The following IQCM variants were observed in gnomAD, a reference collection of about 807,000 sequenced individuals.
IQCM encodes IQ motif containing M.
In IQCM, 45 loss-of-function variants were observed where a neutral mutation model predicts 57.6. That is an observed-to-expected ratio of 0.78 (90% CI 0.62 to 1.00). The LOEUF (loss-of-function observed/expected upper bound fraction) is 1.00, where lower values mean the gene tolerates loss of function less well. Among genes scored for constraint, IQCM ranks in the 50% least tolerant of loss-of-function variants. The probability of loss-of-function intolerance (pLI) is 0.00; values close to 1 mark genes in which losing one functional copy is unlikely to be tolerated. For missense variants in IQCM, 468 were observed against 511.6 expected, an observed-to-expected ratio of 0.91 and a Z score of 0.82; for synonymous variants, 148 against 158.9, an observed-to-expected ratio of 0.93 and a Z score of 0.51.
chr4:149,556,362 T>C (rs1446890348), intron 10 of IQCM, among the ~76,000 whole-genome samples: 1 of 152,056 alleles, frequency 6.6e-6, no homozygotes, highest in Non-Finnish European at 1.5e-5. Context: ...ACATGACCCT[T>C]AGTAGGACTT....
intron 13 of IQCM, among the ~76,000 whole-genome samples, chr4:149,384,945 TCTTTA>T (rs1731316979): frequency 6.6e-6 from 1 of 152,096 alleles, no homozygotes; most frequent in Non-Finnish European, 1.5e-5. Context: ...TGATTTAGCT[TCTTTA>T]CTTTAAAAAA....
At chr4:149,811,113 A>G (rs1313071707) in intron 2 of IQCM, among the ~76,000 whole-genome samples, 1 of 152,204 alleles carries the variant, frequency 6.6e-6, no homozygotes, top group Non-Finnish European at 1.5e-5. Flanking sequence ...AGTCTTTACA[A>G]TTTAGAGCAA....
At chr4:149,553,564 G>C (rs2726746) in intron 10 of IQCM, among the ~76,000 whole-genome samples, 35,563 of 151,990 alleles carry the variant, frequency 0.23, 4,735 homozygotes, top group Non-Finnish European at 0.29. Flanking sequence ...ATACTTGTGT[G>C]CAGATTTCCA....
intron 12 of IQCM, among the ~76,000 whole-genome samples, chr4:149,523,159 C>T (rs924938414): frequency 1.3e-5 from 2 of 152,028 alleles, no homozygotes; most frequent in Non-Finnish European, 2.9e-5. Flanking sequence ...AGGAAGCAAG[C>T]GCTCTCCTGT....
At chr4:149,468,622 A>G (rs980847925) in intron 12 of IQCM, among the ~76,000 whole-genome samples, 23 of 152,148 alleles carry the variant, frequency 1.5e-4, no homozygotes, top group African/African-American at 4.8e-5. Context: ...CTTTGAAGAG[A>G]GTAGTGGTTC....
chr4:149,679,929 C>T (rs997456275), intron 7 of IQCM, among the ~76,000 whole-genome samples: 2 of 151,232 alleles, frequency 1.3e-5, no homozygotes, highest in East Asian at 1.9e-4. Context: ...TTATTTTTCA[C>T]GAAAGACACA....
At chr4:149,591,356 G>C (rs907640697) in intron 8 of IQCM, among the ~76,000 whole-genome samples, 2 of 151,556 alleles carry the variant, frequency 1.3e-5, no homozygotes, top group Non-Finnish European at 2.9e-5. Flanking sequence ...CTTAATTATA[G>C]ATACATTTCA....
At chr4:149,633,463 A>T (rs1757465919) in intron 7 of IQCM, among the ~76,000 whole-genome samples, 1 of 152,154 alleles carries the variant, frequency 6.6e-6, no homozygotes, top group Admixed American at 6.5e-5. Flanking sequence ...AAGCTCAGAT[A>T]GCCACATGGA....
intron 12 of IQCM, among the ~76,000 whole-genome samples, chr4:149,506,986 G>A (rs1350972818): frequency 6.6e-6 from 1 of 152,198 alleles, no homozygotes; most frequent in Non-Finnish European, 1.5e-5. Context: ...TGTAGTGGAA[G>A]GGACCTGGGG....
At chr4:149,556,585 T>C (rs1474488328) in intron 10 of IQCM, among the ~76,000 whole-genome samples, 1 of 147,378 alleles carries the variant, frequency 6.8e-6, no homozygotes, top group African/African-American at 2.4e-5. Flanking sequence ...ATCAAAAAAA[T>C]CTTTATTCAA....
intron 12 of IQCM, among the ~76,000 whole-genome samples, chr4:149,533,816 G>C (rs1446419241): frequency 6.6e-6 from 1 of 152,068 alleles, no homozygotes; most frequent in Non-Finnish European, 1.5e-5. Flanking sequence ...GGGAATTACA[G>C]TTGAAGATGA....
chr4:149,398,716 A>T (rs935519474), intron 13 of IQCM, among the ~76,000 whole-genome samples: 2 of 151,296 alleles, frequency 1.3e-5, no homozygotes, highest in Non-Finnish European at 1.5e-5. Context: ...CTTTATTATT[A>T]TTTTTTTTGA....
At chr4:149,779,540 A>C (rs1771407899) in intron 2 of IQCM, among the ~76,000 whole-genome samples, 1 of 152,176 alleles carries the variant, frequency 6.6e-6, no homozygotes, top group African/African-American at 2.4e-5. Flanking sequence ...GAACAAATGG[A>C]TATCTGTAGA....
chr4:149,410,987 A>C (rs999835017), intron 13 of IQCM, among the ~76,000 whole-genome samples: 1 of 152,150 alleles, frequency 6.6e-6, no homozygotes, highest in Admixed American at 6.6e-5. Context: ...AGAAAAAGAA[A>C]TAAAATTAAT....
chr4:149,814,458 A>C (rs1234166577), intron 2 of IQCM, among the ~76,000 whole-genome samples: 1 of 151,998 alleles, frequency 6.6e-6, no homozygotes, highest in Non-Finnish European at 1.5e-5. Flanking sequence ...AGTCTTTATC[A>C]AGCTAATTAT....
chr4:149,469,019 G>A (rs1739195072), intron 12 of IQCM, among the ~76,000 whole-genome samples: 1 of 152,106 alleles, frequency 6.6e-6, no homozygotes, highest in Non-Finnish European at 1.5e-5. Context: ...ACAAAGATGG[G>A]GAGAAATGAG....
At chr4:149,601,860 C>A (rs572628347) in intron 8 of IQCM, among the ~76,000 whole-genome samples, 1 of 151,882 alleles carries the variant, frequency 6.6e-6, no homozygotes, top group South Asian at 2.1e-4. Flanking sequence ...ACCATCCTGG[C>A]TAACACGGTG....
rs181236599 is a variant in IQCM, at chr4:149,547,910, T to C, written c.1228+545A>G. ...TACTTTTGTGACAATTTACATCCCCTTATTAGTCTTTAGAGAGAAATCTTG... is the reference window on the plus strand; with the variant it reads ...TACTTTTGTGACAATTTACATCCCCCTATTAGTCTTTAGAGAGAAATCTTG... On this transcript the variant is annotated intron_variant, in intron 12 of 13. Transcript: ENST00000636793. 4.7e-4 allele frequency among the ~76,000 whole-genome samples: 71 copies of C among 152,318 alleles called. 1 individual carries two copies. The highest frequency in any genetic ancestry group is 3.4e-3 in the Middle Eastern group (1 of 294).
At chr4:149,404,804 C>T (rs575465904) in intron 13 of IQCM, among the ~76,000 whole-genome samples, 96 of 151,788 alleles carry the variant, frequency 6.3e-4, no homozygotes, top group Non-Finnish European at 1.1e-3. Context: ...CTTTTTATAG[C>T]AAATGTTTAT....
Sources: allele counts gnomAD v4.1 joint callset (sites outside exome capture counted in the v4.1 genomes callset), GRCh38; gene constraint gnomAD v4.1.1; transcripts MANE v1.5; gene names NCBI Gene and HGNC (gene_info 2026-07-23, HGNC 2026-07-21).